The following MCTP2 variants were observed in gnomAD, a reference collection of about 807,000 sequenced individuals.
MCTP2 encodes multiple C2 and transmembrane domain containing 2.
In MCTP2, 132 loss-of-function variants were observed where a neutral mutation model predicts 111.6. That is an observed-to-expected ratio of 1.18 (90% CI 1.03 to 1.37). MCTP2 has a LOEUF of 1.37. Among genes scored for constraint, MCTP2 ranks in the 40% most tolerant of loss-of-function variants. The pLI, the probability that MCTP2 is intolerant of heterozygous loss-of-function variation, is 0.00. For missense variants in MCTP2, 1,183 were observed against 1,067.9 expected (o/e 1.11, Z -1.50); for synonymous variants, 395 against 387.7 (o/e 1.02, Z -0.22).
chr15:94,301,970 G>A (rs1024025300), intron 2 of MCTP2, among the ~76,000 whole-genome samples: 3 of 151,826 alleles, frequency 2.0e-5, no homozygotes, highest in Admixed American at 1.3e-4. Context: ...TCTATACCTT[G>A]TGTGGAATGA....
intron 1 of MCTP2, among the ~76,000 whole-genome samples, chr15:94,257,566 G>GTTTTTTTTTTTTTTTTTTTTTTTTTTT (rs1220635423): frequency 1.4e-5 from 1 of 73,004 alleles, no homozygotes; most frequent in Non-Finnish European, 2.7e-5. Context: ...CATTTTCTTT[G>GTTTTTTTTTTTTTTTTTTTTTTTTTTT]TTGTTTTTTT....
At chr15:94,301,623 G>A (rs892503053) in intron 2 of MCTP2, among the ~76,000 whole-genome samples, 1 of 152,294 alleles carries the variant, frequency 6.6e-6, no homozygotes, top group East Asian at 1.9e-4. Flanking sequence ...ATACAAAAAC[G>A]ATGATAGCAA....
At chr15:94,232,880 C>A (rs1170621154) in intron 1 of MCTP2, among the ~76,000 whole-genome samples, 1 of 152,152 alleles carries the variant, frequency 6.6e-6, no homozygotes, top group Non-Finnish European at 1.5e-5. Flanking sequence ...TAAGAATTAG[C>A]TCTGTGCCAA....
At chr15:94,338,967 C>A (rs1486285678) in intron 4 of MCTP2, among the ~76,000 whole-genome samples, 3 of 152,192 alleles carry the variant, frequency 2.0e-5, no homozygotes, top group Non-Finnish European at 2.9e-5. Flanking sequence ...GGGTGGGCTT[C>A]TCCCTAAGAC....
At chr15:94,244,398 ATT>A (rs2071552696) in intron 1 of MCTP2, among the ~76,000 whole-genome samples, 1 of 149,714 alleles carries the variant, frequency 6.7e-6, no homozygotes, top group Non-Finnish European at 1.5e-5. Context: ...AAATATGTAT[ATT>A]TATATTCGTA....
At chr15:94,317,072 A>C (rs559987199) in intron 4 of MCTP2, among the ~76,000 whole-genome samples, 1 of 151,994 alleles carries the variant, frequency 6.6e-6, no homozygotes, top group Non-Finnish European at 1.5e-5. Context: ...CTGTTTACCA[A>C]TTGTTATGTT....
At chr15:94,393,573 GA>G (rs200417423) in intron 14 of MCTP2, among the ~76,000 whole-genome samples, 2,966 of 151,632 alleles carry the variant, frequency 0.02, 97 homozygotes, top group African/African-American at 0.069. Flanking sequence ...AATAATAAGA[GA>G]AAAAAAATCT....
chr15:94,377,797 C>T (rs944860589), intron 12 of MCTP2, among the ~76,000 whole-genome samples: 2 of 151,914 alleles, frequency 1.3e-5, no homozygotes, highest in South Asian at 2.1e-4. Context: ...CTGCAGATAC[C>T]GCAGGAAGTG....
intron 1 of MCTP2, among the ~76,000 whole-genome samples, chr15:94,248,684 C>A (rs1172505378): frequency 6.6e-6 from 1 of 152,088 alleles, no homozygotes; most frequent in Non-Finnish European, 1.5e-5. Context: ...TACTTTAAGT[C>A]TAAATCTTTT....
Position 94,479,152 on chromosome 15 carries a change from C to A in MCTP2, c.*118C>A. On this transcript the variant is annotated 3_prime_UTR_variant, in exon 23 of 23. Transcript: ENST00000357742. ...TCTGAAATGCATGCCCTGTGGCACC[C>A]TCTGTATACTTCCTCCTCCTTCACG... 1.1e-6 allele frequency: 1 copy of A among 903,936 alleles called. No individual in the cohort carries two copies. Among genetic ancestry groups the A allele is most frequent in the Non-Finnish European group, 1.8e-6 (1 of 547,860 alleles). The allele number at this position is 903,936 out of a possible 1,614,324, so 56.0% of individuals were successfully genotyped here.
intron 1 of MCTP2, among the ~76,000 whole-genome samples, chr15:94,251,315 T>A (rs534149362): frequency 6.6e-6 from 1 of 152,342 alleles, no homozygotes; most frequent in South Asian, 2.1e-4. Flanking sequence ...TTGTCATTTT[T>A]ATGTTTTCTT....
chr15:94,371,161 A>C (rs1019535488), intron 12 of MCTP2, among the ~76,000 whole-genome samples: 3 of 152,122 alleles, frequency 2.0e-5, no homozygotes, highest in East Asian at 3.9e-4. Context: ...CTGCTCAAAA[A>C]TGAAGCAATA....
intron 20 of MCTP2, among the ~76,000 whole-genome samples, chr15:94,466,601 A>T (rs2073336038): frequency 6.6e-6 from 1 of 151,538 alleles, no homozygotes; most frequent in Non-Finnish European, 1.5e-5. Flanking sequence ...TCTCATATTA[A>T]AATCTCCCCG....
chr15:94,268,083 G>C (rs771455582), intron 1 of MCTP2, among the ~76,000 whole-genome samples: 2 of 151,040 alleles, frequency 1.3e-5, no homozygotes, highest in South Asian at 2.1e-4. Context: ...AGCCAGGATG[G>C]TCTCAATCTC....
chr15:94,477,946 G>T (rs866791153), intron 22 of MCTP2, among the ~76,000 whole-genome samples: 2 of 152,044 alleles, frequency 1.3e-5, no homozygotes, highest in Non-Finnish European at 2.9e-5. Context: ...GGGCACCTTC[G>T]CAAAACACCA....
rs1567603520 is a variant in MCTP2 at position 94,390,113 on chromosome 15, T to TATATATATAC, written c.1788+4588_1788+4589insATATATATAC. Reference sequence around the variant, plus strand: ...ATGTATATATATATATATATATATATGTATATATATATATATATACTTAGA... The same window carrying TATATATATAC: ...ATGTATATATATATATATATATATATATATATATACGTATATATATATATATATACTTAGA... On this transcript the variant is annotated intron_variant, in intron 14 of 22. Transcript: ENST00000357742. Among the ~76,000 whole-genome samples the TATATATATAC allele has an allele frequency of 3.6e-3, 164 of 45,936 alleles. 6 individuals carry two copies. The highest frequency in any genetic ancestry group is 8.6e-3 in the African/African-American group (145 of 16,880). 30.1% of individuals were successfully genotyped at this position (45,936 alleles called of 152,430 possible).
intron 1 of MCTP2, among the ~76,000 whole-genome samples, chr15:94,296,407 A>T (rs2075279835): frequency 6.6e-6 from 1 of 152,218 alleles, no homozygotes; most frequent in African/African-American, 2.4e-5. Flanking sequence ...AAAGTCGCTA[A>T]CATTGTATTA....
chr15:94,245,191 T>C lies in MCTP2; in HGVS notation c.-66+13527T>C, dbSNP rs573920287. ...ACACATGTATAGATTTATACACACA[T>C]ATGTATGTATATATTTATACATATG... On this transcript the variant is annotated intron_variant, in intron 1 of 22. Transcript: ENST00000357742. 4.7e-3 allele frequency among the ~76,000 whole-genome samples: 683 copies of C among 144,544 alleles called. 4 individuals carry two copies. Among genetic ancestry groups the C allele is most frequent in the African/African-American group, 0.016 (648 of 40,034 alleles). 94.8% of individuals were successfully genotyped at this position (144,544 alleles called of 152,430 possible). A position where few individuals can be genotyped will look rare whatever the true frequency, so the allele number is the denominator to read the frequency against.
chr15:94,347,027 A>C (rs1175972806), intron 8 of MCTP2, among the ~76,000 whole-genome samples: 1 of 152,060 alleles, frequency 6.6e-6, no homozygotes, highest in Non-Finnish European at 1.5e-5. Flanking sequence ...AGATAAATAA[A>C]GTTTACTTTA....
Sources: allele counts gnomAD v4.1 joint callset (sites outside exome capture counted in the v4.1 genomes callset), GRCh38; gene constraint gnomAD v4.1.1; transcripts MANE v1.5; gene names NCBI Gene and HGNC (gene_info 2026-07-23, HGNC 2026-07-21).